The following TPGS2 variants were observed in gnomAD, a reference collection of about 807,000 sequenced individuals.
The protein encoded by TPGS2 is tubulin polyglutamylase complex subunit 2, also known as polyglutamylase subunit 2.
In TPGS2, 26 loss-of-function variants were observed where a neutral mutation model predicts 31.1. That is an observed-to-expected ratio of 0.84 (90% CI 0.61 to 1.16). The LOEUF (loss-of-function observed/expected upper bound fraction) is 1.16, where lower values mean the gene tolerates loss of function less well. Ranked by LOEUF, TPGS2 falls within the 50% of genes most tolerant of loss-of-function variation. The pLI is 0.00. For missense variants in TPGS2, 351 were observed against 363.8 expected (o/e 0.96, Z 0.29); for synonymous variants, 130 against 136.6 (o/e 0.95, Z 0.34).
At chr18:36,824,368 GAGAAATGAAATCC>G (rs2046040214) in intron 1 of TPGS2, among the ~76,000 whole-genome samples, 1 of 152,210 alleles carries the variant, frequency 6.6e-6, no homozygotes, top group East Asian at 1.9e-4. Context: ...ATTTCTCTTG[GAGAAATGAAATCC>G]AGAAAGGGAA....
chr18:36,795,443 T>C lies in TPGS2; in HGVS notation c.*1362A>G. Reference sequence around the variant, plus strand: ...CTCCTAATTCTCTAACCTCTGGGACTTCAGTACAAAAACTGCAGCCACCCA... The same window carrying C: ...CTCCTAATTCTCTAACCTCTGGGACCTCAGTACAAAAACTGCAGCCACCCA... On this transcript the variant is annotated 3_prime_UTR_variant, in exon 7 of 7. Coordinates refer to ENST00000334295, the MANE Select transcript of TPGS2 (RefSeq NM_015476.4). The C allele has an allele frequency of 1.0e-6, 1 of 985,374 alleles. No homozygotes were observed. The highest frequency in any genetic ancestry group is 4.7e-5 in the South Asian group (1 of 21,284). The allele number at this position is 985,374 out of a possible 1,614,324, so 61.0% of individuals were successfully genotyped here.
exon 7 of TPGS2, chr18:36,783,096 C>T (rs971504292): frequency 1.3e-5 from 5 of 398,392 alleles, no homozygotes; most frequent in East Asian, 3.6e-5. Flanking sequence ...TTAAATCCAC[C>T]GGAGGACTAG....
At chr18:36,792,441 G>A (rs943724265), downstream of TPGS2, among the ~76,000 whole-genome samples, 3 of 152,048 alleles carry the variant, frequency 2.0e-5, no homozygotes, top group East Asian at 5.8e-4. Flanking sequence ...AAAAATACAC[G>A]CATTTATGCT....
chr18:36,818,649 C>A (rs775647089), intron 2 of TPGS2: 23 of 429,444 alleles, frequency 5.4e-5, no homozygotes, highest in African/African-American at 7.8e-5. Context: ...TTGTTGTACA[C>A]AACTTTGAAT....
At position 36,798,451 on chromosome 18, in the gene TPGS2, T is replaced by G. The variant is rs2044638973; in HGVS notation, c.655A>C (p.Lys219Gln). The G allele has an allele frequency of 1.2e-6, 2 of 1,614,084 alleles. No individual in the cohort carries two copies. The highest frequency in any genetic ancestry group is 2.2e-5 in the South Asian group (2 of 91,088). ...AATGGCAGGTGTTCCTCCCTTACCT[T>G]GGCCTGTGGGCTAATGCCATAGCTG... ...FTSYGISPQA[K>Q]QWFSMYKPIT... Residue 219 changes from lysine to glutamine, a missense_variant and splice_region_variant, in exon 6 of 7, where the codon AAG (lysine) becomes CAG (glutamine). Lys to Gln is a moderately conservative substitution (Grantham distance 53). Coordinates refer to ENST00000334295, the MANE Select transcript of TPGS2 (RefSeq NM_015476.4).
chr18:36,817,320 G>A (rs1357374574), intron 2 of TPGS2, among the ~76,000 whole-genome samples: 2 of 152,326 alleles, frequency 1.3e-5, no homozygotes, highest in East Asian at 1.9e-4. Flanking sequence ...TCTGTCAGAG[G>A]GGCACGCTGG....
chr18:36,827,380 C>A (rs1266401836), intron 1 of TPGS2, among the ~76,000 whole-genome samples: 3 of 152,190 alleles, frequency 2.0e-5, no homozygotes, highest in Non-Finnish European at 4.4e-5. Flanking sequence ...GAAGGTTTCT[C>A]TGAAATAATG....
At chr18:36,819,365 A>T (rs2045800076) in intron 1 of TPGS2, among the ~76,000 whole-genome samples, 1 of 152,246 alleles carries the variant, frequency 6.6e-6, no homozygotes, top group Non-Finnish European at 1.5e-5. Flanking sequence ...ATAAGACATA[A>T]AACTTGCTTA....
intron 1 of TPGS2, among the ~76,000 whole-genome samples, chr18:36,823,460 G>GA (rs973424593): frequency 9.2e-6 from 1 of 108,110 alleles, no homozygotes; most frequent in African/African-American, 3.8e-5. Context: ...TTAACAGCTT[G>GA]TTTTTTTTTT....
chr18:36,826,773 G>A (rs2046156959), intron 1 of TPGS2, among the ~76,000 whole-genome samples: 1 of 152,036 alleles, frequency 6.6e-6, no homozygotes, highest in African/African-American at 2.4e-5. Flanking sequence ...GTGATCTTGG[G>A]GAACCCTAAT....
rs1428450338 is a variant in TPGS2, at chr18:36,794,168, C to G, written c.*2637G>C. On this transcript the variant is annotated 3_prime_UTR_variant, in exon 7 of 7. Transcript: ENST00000334295. The stretch of plus-strand genomic sequence containing the variant: ...TTAAGTAGCAAATAAAAAACACAGC[C>G]ATAACAAGTTGAGAAAGACACTATG... 1.6e-6 allele frequency: 1 copy of G among 632,746 alleles called. No individual in the cohort carries two copies. Among genetic ancestry groups the G allele is most frequent in the Non-Finnish European group, 2.0e-6 (1 of 507,808 alleles). 39.2% of individuals were successfully genotyped at this position (632,746 alleles called of 1,614,324 possible).
chr18:36,818,662 C>A, intron 2 of TPGS2: 1 of 452,450 alleles, frequency 2.2e-6, no homozygotes, highest in Non-Finnish European at 4.0e-6. Context: ...CTTTGAATGT[C>A]CACTGCTTCT....
intron 1 of TPGS2, among the ~76,000 whole-genome samples, chr18:36,821,776 A>C (rs2045905593): frequency 6.6e-6 from 1 of 152,240 alleles, no homozygotes; most frequent in Non-Finnish European, 1.5e-5. Context: ...AACTGCACAC[A>C]GCTGATCTGG....
chr18:36,816,453 C>T (rs761261076), intron 2 of TPGS2, among the ~76,000 whole-genome samples: 1 of 152,094 alleles, frequency 6.6e-6, no homozygotes. Flanking sequence ...GTACAAGACA[C>T]AAGGAAGAAT....
intron 4 of TPGS2, 149 bp downstream of exon 4, chr18:36,805,225 T>G: frequency 1.1e-6 from 1 of 922,584 alleles, no homozygotes; most frequent in Non-Finnish European, 1.6e-6. Flanking sequence ...TAGATTGTCA[T>G]GTTCCCTGAA....
In TPGS2 at chr18:36,795,325, A is replaced by G. The variant is rs2044478201; in HGVS notation, c.*1480T>C. On this transcript the variant is annotated 3_prime_UTR_variant, in exon 7 of 7. Coordinates refer to ENST00000334295, the MANE Select transcript of TPGS2 (RefSeq NM_015476.4). ...AGTGCAAAGGAAGGAAGTCTGGCCA[A>G]TCACCGGGGTAGAGAGAAGTCAGGA... 1.0e-6 allele frequency: 1 copy of G among 985,466 alleles called. No homozygotes were observed. The highest frequency in any genetic ancestry group is 4.7e-5 in the South Asian group (1 of 21,296). 61.0% of individuals were successfully genotyped at this position (985,466 alleles called of 1,614,324 possible).
chr18:36,812,245 TAA>T (rs756494182), intron 2 of TPGS2, among the ~76,000 whole-genome samples: 1 of 152,174 alleles, frequency 6.6e-6, no homozygotes, highest in Non-Finnish European at 1.5e-5. Flanking sequence ...TTTTGTGTGC[TAA>T]AGAGTTGACA....
intron 1 of TPGS2, among the ~76,000 whole-genome samples, chr18:36,825,295 G>T (rs140653169): frequency 9.2e-5 from 14 of 152,110 alleles, no homozygotes; most frequent in Middle Eastern, 3.4e-3. Flanking sequence ...AGCCAGGCGT[G>T]GTGGTGGGCG....
chr18:36,795,288 T>C lies in TPGS2; in HGVS notation c.*1517A>G, dbSNP rs976019162. 9.7e-5 allele frequency: 96 copies of C among 985,372 alleles called. No individual in the cohort carries two copies. The highest frequency in any genetic ancestry group is 1.1e-4 in the Non-Finnish European group (93 of 829,982). The allele number at this position is 985,372 out of a possible 1,614,324, so 61.0% of individuals were successfully genotyped here. A position where few individuals can be genotyped will look rare whatever the true frequency, so the allele number is the denominator to read the frequency against. On this transcript the variant is annotated 3_prime_UTR_variant, in exon 7 of 7. Transcript: ENST00000334295. ...TGGAAGAGGGAAACCCTGGGTCGAT[T>C]AGCAGGTAGACAGTGCAAAGGAAGG... is the stretch of plus-strand genomic sequence containing the variant.
Sources: allele counts gnomAD v4.1 joint callset (sites outside exome capture counted in the v4.1 genomes callset), GRCh38; gene constraint gnomAD v4.1.1; transcripts MANE v1.5; gene names NCBI Gene and HGNC (gene_info 2026-07-23, HGNC 2026-07-21).